The following NEDD4 variants were observed in gnomAD, a reference collection of about 807,000 sequenced individuals.
NEDD4 encodes the protein NEDD4 E3 ubiquitin protein ligase, also known as E3 ubiquitin-protein ligase NEDD4.
A neutral mutation model predicts 144.9 loss-of-function variants in NEDD4; 99 were observed. That is an observed-to-expected ratio of 0.68 (90% CI 0.58 to 0.81). The LOEUF is 0.81. NEDD4 is among the 30% of genes least tolerant of loss of function. The probability of loss-of-function intolerance (pLI) is 0.00; values close to 1 mark genes in which losing one functional copy is unlikely to be tolerated. For missense variants in NEDD4, 985 were observed against 1,065.9 expected, an observed-to-expected ratio of 0.92 and a Z score of 1.06; for synonymous variants, 318 against 350.6, an observed-to-expected ratio of 0.91 and a Z score of 1.04.
chr15:55,983,424 C>A (rs2037838121), intron 1 of NEDD4, among the ~76,000 whole-genome samples: 1 of 152,104 alleles, frequency 6.6e-6, no homozygotes, highest in African/African-American at 2.4e-5. Flanking sequence ...TGACGTTGTG[C>A]CTCTTGTTTT....
intron 2 of NEDD4, among the ~76,000 whole-genome samples, chr15:55,964,716 TGTG>T (rs1239978724): frequency 6.6e-6 from 1 of 151,256 alleles, no homozygotes; most frequent in African/African-American, 2.4e-5. Flanking sequence ...TGTGTGTGTG[TGTG>T]TGTGTGTGTG....
chr15:55,924,549 C>A (rs925384121), intron 5 of NEDD4, 97 bp downstream of exon 5: 2 of 1,038,460 alleles, frequency 1.9e-6, no homozygotes, highest in East Asian at 2.6e-5. Flanking sequence ...CACCCCCAAG[C>A]CATCACTCAA....
intron 5 of NEDD4, among the ~76,000 whole-genome samples, chr15:55,885,480 A>G (rs1329864324): frequency 6.6e-6 from 1 of 152,174 alleles, no homozygotes; most frequent in African/African-American, 2.4e-5. Context: ...CTGATCAAAA[A>G]TAGTACCTAT....
At chr15:55,946,129 T>C (rs11071234) in intron 4 of NEDD4, among the ~76,000 whole-genome samples, 1 of 151,934 alleles carries the variant, frequency 6.6e-6, no homozygotes, top group African/African-American at 2.4e-5. Flanking sequence ...ACATCATAAT[T>C]ACAGGATCAA....
chr15:55,858,712 G>A (rs2034289948), intron 11 of NEDD4, among the ~76,000 whole-genome samples: 1 of 152,210 alleles, frequency 6.6e-6, no homozygotes, highest in African/African-American at 2.4e-5. Flanking sequence ...CAGGAGGCAG[G>A]CAGGCGGATT....
At chr15:55,951,723 G>C in intron 2 of NEDD4, 134 bp from the exon 3 acceptor site, 1 of 671,646 alleles carries the variant, frequency 1.5e-6, no homozygotes, top group Admixed American at 4.0e-5. Context: ...TTAAAAGTCA[G>C]GATTCTTAGG....
rs186554164 is a variant in NEDD4, at chr15:55,953,064, A to T, written c.120-1475T>A. ...GAGTGCAGTGGTGCAGTCTTGGCTC[A>T]CTGCAACCTCTGCCTCCTGGGTTCA... On this transcript the variant is annotated intron_variant, in intron 2 of 28. Transcript: ENST00000435532. 2.9e-4 allele frequency among the ~76,000 whole-genome samples: 44 copies of T among 149,976 alleles called. 1 individual carries two copies. In the East Asian group the frequency reaches 6.5e-3, roughly 22 times the overall value.
At chr15:55,879,841 C>T (rs1361226058) in intron 5 of NEDD4, among the ~76,000 whole-genome samples, 2 of 152,058 alleles carry the variant, frequency 1.3e-5, no homozygotes, top group Non-Finnish European at 2.9e-5. Context: ...AAAGACAATA[C>T]ACTATAGGAT....
chr15:55,877,937 G>A (rs1595785689), intron 5 of NEDD4, among the ~76,000 whole-genome samples: 1 of 151,964 alleles, frequency 6.6e-6, no homozygotes, highest in South Asian at 2.1e-4. Context: ...ATTTTTTTGT[G>A]TACTTCCTTA....
intron 2 of NEDD4, among the ~76,000 whole-genome samples, chr15:55,953,294 A>G (rs1470539246): frequency 4.6e-5 from 7 of 151,624 alleles, no homozygotes. Flanking sequence ...GAGCCCGTAT[A>G]TTAATTCTTT....
At chr15:55,986,741 C>G (rs1421949257) in intron 1 of NEDD4, among the ~76,000 whole-genome samples, 9 of 146,364 alleles carry the variant, frequency 6.1e-5, no homozygotes, top group African/African-American at 1.5e-4. Flanking sequence ...AGGCACCCAC[C>G]ACCACACCCG....
rs1566969141 is a variant in NEDD4 at position 55,958,375 on chromosome 15, A to C, written c.120-6786T>G. Reference sequence around the variant, plus strand: ...AACAAACCTTGCATTTGTAGGAAAAATCCTAAGTGGTGATATATTGCTACA... The same window carrying C: ...AACAAACCTTGCATTTGTAGGAAAACTCCTAAGTGGTGATATATTGCTACA... On this transcript the variant is annotated intron_variant, in intron 2 of 28. Transcript: ENST00000435532. Among the ~76,000 whole-genome samples, 6 of 152,134 alleles carry C rather than the reference A, an allele frequency of 3.9e-5. No individual in the cohort carries two copies. In the South Asian group the frequency reaches 6.2e-4, roughly 16 times the overall value.
intron 5 of NEDD4, among the ~76,000 whole-genome samples, chr15:55,884,340 T>C (rs1374579594): frequency 6.6e-6 from 1 of 152,106 alleles, no homozygotes; most frequent in African/African-American, 2.4e-5. Flanking sequence ...AAAATAAGCA[T>C]AGACTGTGAA....
chr15:55,936,180 C>A (rs2036886006), intron 4 of NEDD4, among the ~76,000 whole-genome samples: 1 of 152,092 alleles, frequency 6.6e-6, no homozygotes, highest in Non-Finnish European at 1.5e-5. Flanking sequence ...ATCCCCCAAC[C>A]CTGTATTTAC....
chr15:55,861,327 TG>T (rs1315973347), intron 9 of NEDD4, among the ~76,000 whole-genome samples: 1 of 152,176 alleles, frequency 6.6e-6, no homozygotes, highest in East Asian at 1.9e-4. Context: ...TAATGGTATC[TG>T]TTTTTCGTAA....
chr15:55,859,201 C>G (rs1399145958), intron 11 of NEDD4, among the ~76,000 whole-genome samples: 1 of 152,218 alleles, frequency 6.6e-6, no homozygotes, highest in Non-Finnish European at 1.5e-5. Context: ...TCTACTCAAT[C>G]TCCCTTGATG....
At chr15:55,924,721 T>C (rs778405220) in intron 4 of NEDD4, 22 bp from the exon 5 acceptor site, 6 of 1,597,476 alleles carry the variant, frequency 3.8e-6, no homozygotes, top group Non-Finnish European at 5.1e-6. Context: ...ACAATCTTTA[T>C]TTAAAAACAA....
chr15:55,875,316 A>T (rs1165169584), intron 5 of NEDD4, among the ~76,000 whole-genome samples: 4 of 152,256 alleles, frequency 2.6e-5, no homozygotes, highest in East Asian at 1.9e-4. Flanking sequence ...TATTTTATTT[A>T]ATTTTATTTT....
Position 55,993,593 on chromosome 15 carries a change from C to A in NEDD4, c.-38G>T. The A allele has an allele frequency of 6.3e-7, 1 of 1,586,296 alleles. No homozygotes were observed. Among genetic ancestry groups the A allele is most frequent in the Non-Finnish European group, 8.6e-7 (1 of 1,169,500 alleles). On this transcript the variant is annotated 5_prime_UTR_variant, in exon 1 of 29. Transcript: ENST00000435532. ...CCAGCAAACCGGACGCGCTCGCCCC[C>A]GCCCAGGGCAGGCAACTGTGGAGGA...
Sources: allele counts gnomAD v4.1 joint callset (sites outside exome capture counted in the v4.1 genomes callset), GRCh38; gene constraint gnomAD v4.1.1; transcripts MANE v1.5; gene names NCBI Gene and HGNC (gene_info 2026-07-23, HGNC 2026-07-21).